Variants in KCNIP4 observed in about 807,000 individuals in gnomAD.
KCNIP4 encodes the protein potassium voltage-gated channel interacting protein 4, also known as Kv channel-interacting protein 4.
Under a neutral mutation model 34.0 loss-of-function variants are expected in KCNIP4, and 12 were observed. That is an observed-to-expected ratio of 0.35 (90% CI 0.23 to 0.57). The LOEUF (loss-of-function observed/expected upper bound fraction) is 0.57. Among genes scored for constraint, KCNIP4 ranks in the 20% least tolerant of loss-of-function variants. The pLI, the probability that KCNIP4 is intolerant of heterozygous loss-of-function variation, is 0.83. For missense variants in KCNIP4, 238 were observed against 311.7 expected, an observed-to-expected ratio of 0.76 and a Z score of 1.78; for synonymous variants, 124 against 102.2, an observed-to-expected ratio of 1.21 and a Z score of -1.29.
chr4:21,189,528 C>A (rs948291514), intron 1 of KCNIP4, among the ~76,000 whole-genome samples: 15 of 152,158 alleles, frequency 9.9e-5, no homozygotes, highest in Non-Finnish European at 2.2e-4. Context: ...GTGTACAAAA[C>A]CCACTTATGT....
chr4:21,048,981 CG>C (rs1560676588), intron 1 of KCNIP4, among the ~76,000 whole-genome samples: 1 of 129,438 alleles, frequency 7.7e-6, no homozygotes, highest in African/African-American at 3.0e-5. Context: ...GACGGAGTCT[CG>C]CTCTGTCGCC....
chr4:21,598,875 T>C (rs1438516486), intron 1 of KCNIP4, among the ~76,000 whole-genome samples: 1 of 152,078 alleles, frequency 6.6e-6, no homozygotes, highest in Non-Finnish European at 1.5e-5. Flanking sequence ...AATATCCTCC[T>C]AGCTGATTTC....
chr4:20,848,123 G>A (rs1420181439), intron 3 of KCNIP4, among the ~76,000 whole-genome samples: 2 of 152,118 alleles, frequency 1.3e-5, no homozygotes, highest in Non-Finnish European at 2.9e-5. Context: ...TTTGATTTAT[G>A]AGAGATGTCG....
chr4:20,780,110 G>T (rs1045651598), intron 3 of KCNIP4, among the ~76,000 whole-genome samples: 1 of 152,194 alleles, frequency 6.6e-6, no homozygotes, highest in Non-Finnish European at 1.5e-5. Flanking sequence ...GTGCAGATTA[G>T]TATGGAACTT....
At chr4:21,604,724 C>T (rs2109129287) in intron 1 of KCNIP4, among the ~76,000 whole-genome samples, 1 of 152,174 alleles carries the variant, frequency 6.6e-6, no homozygotes, top group Middle Eastern at 3.4e-3. Context: ...TGCTATTTGT[C>T]TGAAGAAGTT....
intron 1 of KCNIP4, among the ~76,000 whole-genome samples, chr4:21,466,848 G>A (rs75977486): frequency 0.016 from 2,451 of 152,062 alleles, 70 homozygotes; most frequent in African/African-American, 0.056. Context: ...CCCTGGCATA[G>A]GTCAAGTCCA....
chr4:21,734,719 T>A (rs1715864405), intron 1 of KCNIP4, among the ~76,000 whole-genome samples: 2 of 152,136 alleles, frequency 1.3e-5, no homozygotes, highest in Admixed American at 6.5e-5. Flanking sequence ...AAATGTATGA[T>A]AAAATTTCAA....
intron 4 of KCNIP4, among the ~76,000 whole-genome samples, chr4:20,750,462 G>A (rs1753413792): frequency 6.6e-6 from 1 of 152,148 alleles, no homozygotes; most frequent in Admixed American, 6.5e-5. Context: ...TACTCTGTCT[G>A]GGTCCTGGGT....
intron 1 of KCNIP4, among the ~76,000 whole-genome samples, chr4:20,980,282 C>T (rs999069616): frequency 1.3e-5 from 2 of 152,286 alleles, no homozygotes; most frequent in South Asian, 2.1e-4. Context: ...ACCCTGCACA[C>T]GTTAGAATTC....
intron 1 of KCNIP4, among the ~76,000 whole-genome samples, chr4:21,605,130 C>T (rs1325039264): frequency 6.6e-6 from 1 of 152,154 alleles, no homozygotes; most frequent in Non-Finnish European, 1.5e-5. Flanking sequence ...TGACCTATGG[C>T]TCAGAAGCTA....
At chr4:20,958,809 G>C (rs909755906) in intron 1 of KCNIP4, among the ~76,000 whole-genome samples, 3 of 152,224 alleles carry the variant, frequency 2.0e-5, no homozygotes, top group Admixed American at 6.5e-5. Context: ...ATCAAACAGT[G>C]CCTGGAAGAG....
chr4:21,189,369 A>G (rs1369760859), intron 1 of KCNIP4, among the ~76,000 whole-genome samples: 2 of 152,206 alleles, frequency 1.3e-5, no homozygotes, highest in Admixed American at 6.5e-5. Flanking sequence ...TTCGAGAAAA[A>G]GCATCTTATG....
intron 1 of KCNIP4, among the ~76,000 whole-genome samples, chr4:21,590,604 T>A (rs1247821180): frequency 6.6e-6 from 1 of 151,998 alleles, no homozygotes. Context: ...TAGGGATGTT[T>A]ATTTCAGCAT....
At chr4:21,313,467 A>G (rs1713405454) in intron 1 of KCNIP4, among the ~76,000 whole-genome samples, 1 of 152,242 alleles carries the variant, frequency 6.6e-6, no homozygotes, top group South Asian at 2.1e-4. Flanking sequence ...ATTACTAACA[A>G]TTCTAACTAC....
intron 1 of KCNIP4, among the ~76,000 whole-genome samples, chr4:21,467,117 CA>C (rs1491559314): frequency 2.4e-5 from 3 of 124,558 alleles, no homozygotes; most frequent in East Asian, 2.3e-4. Flanking sequence ...CACACACACA[CA>C]AAACAGAACA....
intron 1 of KCNIP4, among the ~76,000 whole-genome samples, chr4:21,937,276 C>T (rs182689171): frequency 1.3e-4 from 20 of 152,114 alleles, no homozygotes; most frequent in East Asian, 1.2e-3. Context: ...CCTGTTCCTC[C>T]GCCTATATTC....
Position 21,779,744 on chromosome 4 carries a change from C to A in KCNIP4, c.61+168827G>T, listed in dbSNP as rs371060984. ...ACAGCAAGATCCCATACCTACTACACGTTAAAAAGTTAGCCAGGCATGGCA... is the reference window on the plus strand; with the variant it reads ...ACAGCAAGATCCCATACCTACTACAAGTTAAAAAGTTAGCCAGGCATGGCA... On this transcript the variant is annotated intron_variant, in intron 1 of 8. Transcript: ENST00000382152. Among the ~76,000 whole-genome samples the A allele has an allele frequency of 3.4e-4, 51 of 152,000 alleles. No homozygotes were observed. In the East Asian group the frequency reaches 9.5e-3, roughly 28 times the overall value.
chr4:21,289,675 G>A (rs745495708), intron 1 of KCNIP4, among the ~76,000 whole-genome samples: 7 of 152,110 alleles, frequency 4.6e-5, no homozygotes, highest in Non-Finnish European at 7.4e-5. Context: ...TCTTAAATGC[G>A]TCTGTGTACT....
chr4:20,995,706 G>A (rs1045245599), intron 1 of KCNIP4, among the ~76,000 whole-genome samples: 4 of 152,174 alleles, frequency 2.6e-5, no homozygotes, highest in African/African-American at 7.2e-5. Context: ...CTCAGATTTC[G>A]ATGCCATCGC....
Sources: gnomAD v4.1 joint callset for allele counts (sites outside exome capture counted in the v4.1 genomes callset) on GRCh38, gnomAD v4.1.1 for gene constraint, MANE v1.5 for transcripts, NCBI Gene and HGNC (gene_info 2026-07-23, HGNC 2026-07-21) for gene names.